VWDE: variants seen among roughly 807,000 people sequenced by gnomAD.
VWDE encodes von Willebrand factor D and EGF domains, also known as von Willebrand factor D and EGF domain-containing protein.
A neutral mutation model predicts 178.4 loss-of-function variants in VWDE; 207 were observed. The ratio of observed to expected loss-of-function variants is 1.16; its 90% CI spans 1.04 to 1.30. The LOEUF (loss-of-function observed/expected upper bound fraction) is 1.30, where lower values mean the gene tolerates loss of function less well. VWDE is among the 50% of genes most tolerant of loss of function. The pLI, the probability that VWDE is intolerant of heterozygous loss-of-function variation, is 0.00. For missense variants in VWDE, 2,287 were observed against 1,901.3 expected, an observed-to-expected ratio of 1.20 and a Z score of -3.77; for synonymous variants, 738 against 651.4, an observed-to-expected ratio of 1.13 and a Z score of -2.02.
At chr7:12,396,528 A>G (rs146160390) in intron 1 of VWDE, among the ~76,000 whole-genome samples, 1 of 152,334 alleles carries the variant, frequency 6.6e-6, no homozygotes, top group East Asian at 1.9e-4. Context: ...TGATCCCCAA[A>G]TGTAATGAGA....
intron 13 of VWDE, among the ~76,000 whole-genome samples, chr7:12,365,006 C>G (rs1486667720): frequency 6.6e-6 from 1 of 151,960 alleles, no homozygotes; most frequent in Non-Finnish European, 1.5e-5. Flanking sequence ...GAACATTCCA[C>G]AAAATAACTG....
At chr7:12,384,397 T>C (rs1783998718) in intron 3 of VWDE, among the ~76,000 whole-genome samples, 1 of 152,088 alleles carries the variant, frequency 6.6e-6, no homozygotes, top group South Asian at 2.1e-4. Flanking sequence ...GTAGTGAAAC[T>C]AGTCTGTATG....
rs781003137 is a variant in VWDE at position 12,370,205 on chromosome 7, GT to G, written c.2100del (p.Lys700AsnfsTer3). 9.7e-6 allele frequency: 15 copies of G among 1,550,640 alleles called. No individual in the cohort carries two copies. In the East Asian group the frequency reaches 9.8e-5, roughly 10 times the overall value. ...YNLNLFLQEK[K>X]HINLTKLGLN... ...AAGCCGAGTTTAGTCAGGTTTATGT[GT>G]TTTTTTTCTTGCAGAAATAAATTTA... On this transcript the variant is annotated frameshift_variant, in exon 12 of 29. Coordinates refer to ENST00000275358, the MANE Select transcript of VWDE (RefSeq NM_001135924.3). LOFTEE classifies it high-confidence loss of function.
At chr7:12,397,301 C>CA (rs1477967841) in intron 1 of VWDE, among the ~76,000 whole-genome samples, 3 of 152,052 alleles carry the variant, frequency 2.0e-5, no homozygotes, top group Non-Finnish European at 4.4e-5. Flanking sequence ...TCAAAGTCAA[C>CA]AAAAATTAGC....
In VWDE at chr7:12,334,150, T is replaced by C. The variant is rs1583265717; in HGVS notation, c.4655-582A>G. ...TCAATATCTCAATCTATTTATCATC[T>C]ACCTGTAGAAAGAAAATACTTATAA... On this transcript the variant is annotated intron_variant, in intron 27 of 28. Transcript: ENST00000275358. Among the ~76,000 whole-genome samples, 4 of 152,268 alleles carry C rather than the reference T, an allele frequency of 2.6e-5. 1 individual carries two copies. The South Asian group carries it at 8.3e-4, about 32-fold the overall frequency.
Position 12,357,438 on chromosome 7 carries a change from C to T in VWDE, c.3352G>A (p.Val1118Met), listed in dbSNP as rs575787774. The change falls in exon 17 of 29, where the codon GTG (valine) becomes ATG (methionine). Residue 1118 changes from valine to methionine, a missense_variant. Val to Met is a conservative substitution (Grantham distance 21). Transcript: ENST00000275358. ...TCAGAACCTTCTGGATCGAAGGCCACGAACTGATACTCAAAGTTTTCACCA... is the reference window on the plus strand; with the variant it reads ...TCAGAACCTTCTGGATCGAAGGCCATGAACTGATACTCAAAGTTTTCACCA... ...FYGENFEYQF[V>M]AFDPEGSDIH... The T allele has an allele frequency of 1.2e-5, 19 of 1,551,922 alleles. No homozygotes were observed. Among genetic ancestry groups the T allele is most frequent in the East Asian group, 7.3e-5 (3 of 40,896 alleles).
chr7:12,394,325 T>A (rs1260276318), intron 1 of VWDE, among the ~76,000 whole-genome samples: 1 of 152,164 alleles, frequency 6.6e-6, no homozygotes. Context: ...ATTAAAAATT[T>A]TAAAGTTATT....
chr7:12,351,463 A>C, intron 19 of VWDE, 110 bp downstream of exon 19: 1 of 1,161,768 alleles, frequency 8.6e-7, no homozygotes, highest in South Asian at 1.7e-5. Context: ...TATAACCTTT[A>C]GGTGATCTTT....
At chr7:12,389,031 G>A (rs1341293685) in intron 3 of VWDE, 96 bp downstream of exon 3, 2 of 894,012 alleles carry the variant, frequency 2.2e-6, no homozygotes, top group Non-Finnish European at 3.6e-6. Context: ...GTATCTTACT[G>A]AGATTTGCAC....
chr7:12,391,340 C>G (rs1417093406), intron 2 of VWDE, among the ~76,000 whole-genome samples: 3 of 152,014 alleles, frequency 2.0e-5, no homozygotes, highest in Non-Finnish European at 2.9e-5. Flanking sequence ...GAAAAAAAAT[C>G]TATTGATTTT....
At chr7:12,362,130 G>C (rs1216426932) in intron 13 of VWDE, among the ~76,000 whole-genome samples, 2 of 151,794 alleles carry the variant, frequency 1.3e-5, no homozygotes, top group South Asian at 2.1e-4. Context: ...TGGAGTGGTT[G>C]GTGGCCATTT....
chr7:12,394,556 GA>G (rs1481580403), intron 1 of VWDE, among the ~76,000 whole-genome samples: 5 of 152,074 alleles, frequency 3.3e-5, no homozygotes, highest in Non-Finnish European at 5.9e-5. Context: ...ACTAAAAGTG[GA>G]CAGAAGAGCA....
rs768434209 is a variant in VWDE at position 12,374,763 on chromosome 7, C to T, written c.1243-1G>A. 7 of 1,521,296 alleles carry T rather than the reference C, an allele frequency of 4.6e-6. No homozygotes were observed. Among genetic ancestry groups the T allele is most frequent in the East Asian group, 2.5e-5 (1 of 40,386 alleles). 94.2% of individuals were successfully genotyped at this position (1,521,296 alleles called of 1,614,324 possible). On this transcript the variant is annotated splice_acceptor_variant, in intron 8 of 28. Transcript: ENST00000275358. LOFTEE classifies it high-confidence loss of function. ...CAGTTGGGACATCCTTTACTTTGAT[C>T]TTAAAAGCAAAGATATTTTTGGTAA...
Position 12,380,646 on chromosome 7 carries a change from C to T in VWDE, c.629G>A (p.Cys210Tyr). 2 of 1,552,188 alleles carry T rather than the reference C, an allele frequency of 1.3e-6. No homozygotes were observed. The highest frequency in any genetic ancestry group is 1.4e-5 in the African/African-American group (1 of 73,134). Residue 210 changes from cysteine to tyrosine, a missense_variant, in exon 5 of 29, where the codon TGT (cysteine) becomes TAT (tyrosine). Transcript: ENST00000275358. Reference protein sequence around the residue: ...ELIESRLFCRCSFDVPATKNS... With the variant: ...ELIESRLFCRYSFDVPATKNS... ...TTTTGTAGCGGGAACATCAAAAGAACACCTACAGAAAAGCCTGGACTCAAT... is the reference window on the plus strand; with the variant it reads ...TTTTGTAGCGGGAACATCAAAAGAATACCTACAGAAAAGCCTGGACTCAAT...
At chr7:12,367,553 A>G in intron 12 of VWDE, 60 bp from the exon 13 acceptor site, 1 of 1,315,568 alleles carries the variant, frequency 7.6e-7, no homozygotes, top group Non-Finnish European at 1.0e-6. Flanking sequence ...AAAAAAAACT[A>G]ATTATTTCCA....
In VWDE at chr7:12,370,293, A is replaced by T. The variant is rs1217978370; in HGVS notation, c.2013T>A (p.Tyr671Ter). The stretch of plus-strand genomic sequence containing the variant: ...CTCTGACAAGAGTGTCTGAATTAAT[A>T]TATTCGGAGGTGACATCTAGTTCTG... ...LIPELDVTSE[Y>*]INSDTLVREI... is the part of the protein sequence containing the mutation. The change falls in exon 12 of 29, where the codon TAT (tyrosine) becomes TAA (stop). Residue 671 changes from tyrosine to a stop codon, truncating the protein, a stop_gained. Coordinates refer to ENST00000275358, the MANE Select transcript of VWDE (RefSeq NM_001135924.3). LOFTEE classifies it high-confidence loss of function. 6.4e-7 allele frequency: 1 copy of T among 1,551,180 alleles called. No homozygotes were observed. The highest frequency in any genetic ancestry group is 8.7e-7 in the Non-Finnish European group (1 of 1,146,824).
At position 12,352,707 on chromosome 7, in the gene VWDE, G is replaced by A. The variant is rs889621843; in HGVS notation, c.3746-994C>T. On this transcript the variant is annotated intron_variant, in intron 18 of 28. Transcript: ENST00000275358. ...CTATACTGTGTTGCTCATATCTGTG[G>A]GGCTGGGCAGGCTCAGCCCAATTTG... Among the ~76,000 whole-genome samples the A allele has an allele frequency of 2.6e-5, 4 of 152,264 alleles. No individual in the cohort carries two copies. The East Asian group carries it at 5.8e-4, about 22-fold the overall frequency.
At chr7:12,331,493 G>GA (rs918626867) in intron 28 of VWDE, among the ~76,000 whole-genome samples, 3 of 152,140 alleles carry the variant, frequency 2.0e-5, no homozygotes, top group Non-Finnish European at 2.9e-5. Context: ...TATCCCTCAG[G>GA]AAAAAACCAC....
chr7:12,354,427 G>T (rs6945167), intron 18 of VWDE: 393,174 of 438,238 alleles, frequency 0.9, 176,851 homozygotes, highest in African/African-American at 0.96. Flanking sequence ...ATTCAGGCAT[G>T]CTACTCCCTC....
Sources: gnomAD v4.1 joint callset for allele counts (sites outside exome capture counted in the v4.1 genomes callset) on GRCh38, gnomAD v4.1.1 for gene constraint, MANE v1.5 for transcripts, NCBI Gene and HGNC (gene_info 2026-07-23, HGNC 2026-07-21) for gene names.